The following KIAA0040 variants were observed in gnomAD, a reference collection of about 807,000 sequenced individuals.
KIAA0040 encodes KIAA0040, also known as uncharacterized protein KIAA0040.
In KIAA0040, 10 loss-of-function variants were observed where a neutral mutation model predicts 7.2. The observed-to-expected ratio is 1.38, with a 90% CI of 0.85 to 2.34. The LOEUF (loss-of-function observed/expected upper bound fraction) is 2.34. KIAA0040 is among the 30% of genes most tolerant of loss of function. The pLI is 0.00. For missense variants in KIAA0040, 89 were observed against 108.2 expected (o/e 0.82, Z 0.79); for synonymous variants, 49 against 40.1 (o/e 1.22, Z -0.84).
chr1:175,161,397 G>C (rs74126932), intron 3 of KIAA0040, among the ~76,000 whole-genome samples: 1 of 152,146 alleles, frequency 6.6e-6, no homozygotes, highest in Non-Finnish European at 1.5e-5. Context: ...GGTCTGGCAC[G>C]TAGGAAGTTC....
intron 3 of KIAA0040, among the ~76,000 whole-genome samples, chr1:175,162,287 T>C (rs1676575839): frequency 6.6e-6 from 1 of 152,074 alleles, no homozygotes; most frequent in Non-Finnish European, 1.5e-5. Flanking sequence ...ATTTTCAGGA[T>C]GGACACTCCA....
chr1:175,165,189 T>C (rs1203097688), intron 3 of KIAA0040, among the ~76,000 whole-genome samples: 2 of 152,184 alleles, frequency 1.3e-5, no homozygotes, highest in Admixed American at 1.3e-4. Flanking sequence ...TATCCACCCA[T>C]GTATGAGGTG....
chr1:175,163,116 A>G (rs540400206), intron 3 of KIAA0040, among the ~76,000 whole-genome samples: 54 of 152,280 alleles, frequency 3.5e-4, no homozygotes, highest in African/African-American at 1.3e-3. Flanking sequence ...CCAGATCCGC[A>G]AGGAGTGATC....
intron 1 of KIAA0040, among the ~76,000 whole-genome samples, chr1:175,190,836 G>A (rs1677839471): frequency 6.6e-6 from 1 of 152,138 alleles, no homozygotes; most frequent in Admixed American, 6.5e-5. Context: ...CTTCCTATAG[G>A]AGGGAGTTCA....
intron 2 of KIAA0040, among the ~76,000 whole-genome samples, chr1:175,170,014 A>G (rs1676923545): frequency 6.6e-6 from 1 of 152,182 alleles, no homozygotes; most frequent in Non-Finnish European, 1.5e-5. Flanking sequence ...TCTCTTCTCC[A>G]GGTAGAAAGT....
intron 1 of KIAA0040, among the ~76,000 whole-genome samples, chr1:175,191,004 C>T (rs1677846069): frequency 6.6e-6 from 1 of 152,224 alleles, no homozygotes; most frequent in African/African-American, 2.4e-5. Flanking sequence ...GTGTGGACTT[C>T]ACAGATAATT....
At chr1:175,181,117 G>A (rs1677423239) in intron 1 of KIAA0040, among the ~76,000 whole-genome samples, 1 of 152,158 alleles carries the variant, frequency 6.6e-6, no homozygotes. Context: ...TTCCCAAAGT[G>A]CTGAGAGTAC....
At chr1:175,183,519 T>C (rs1677528578) in intron 1 of KIAA0040, among the ~76,000 whole-genome samples, 1 of 151,812 alleles carries the variant, frequency 6.6e-6, no homozygotes, top group African/African-American at 2.4e-5. Context: ...TCCAGCAGGG[T>C]GAGGGGACCA....
chr1:175,191,637 G>A (rs3766681), intron 1 of KIAA0040, among the ~76,000 whole-genome samples: 74,352 of 152,118 alleles, frequency 0.49, 18,707 homozygotes, highest in Non-Finnish European at 0.56. Flanking sequence ...GGAACAGGTT[G>A]CATCAATGCT....
At chr1:175,183,087 A>C (rs542217795) in intron 1 of KIAA0040, among the ~76,000 whole-genome samples, 3 of 152,228 alleles carry the variant, frequency 2.0e-5, no homozygotes, top group Non-Finnish European at 4.4e-5. Context: ...TTGTTAGCCC[A>C]GGGGCCATTT....
chr1:175,184,290 T>A (rs1310197092), intron 1 of KIAA0040, among the ~76,000 whole-genome samples: 1 of 152,178 alleles, frequency 6.6e-6, no homozygotes, highest in Non-Finnish European at 1.5e-5. Flanking sequence ...GAAAGAGATT[T>A]CCCAGTTCAT....
intron 1 of KIAA0040, among the ~76,000 whole-genome samples, chr1:175,187,148 C>T (rs1397441366): frequency 6.6e-6 from 1 of 152,180 alleles, no homozygotes; most frequent in East Asian, 1.9e-4. Flanking sequence ...ACACATCTCC[C>T]TAACATAATG....
intron 1 of KIAA0040, among the ~76,000 whole-genome samples, chr1:175,185,669 C>T (rs1480622028): frequency 6.6e-6 from 1 of 152,158 alleles, no homozygotes; most frequent in Non-Finnish European, 1.5e-5. Context: ...GGTAGAATTA[C>T]CATATGATCC....
intron 3 of KIAA0040, among the ~76,000 whole-genome samples, chr1:175,161,660 C>A (rs1469555691): frequency 1.3e-5 from 2 of 152,154 alleles, no homozygotes. Context: ...TAGTAGGGAA[C>A]CTGGGTCTCC....
chr1:175,171,613 G>A (rs1201023529), intron 2 of KIAA0040, among the ~76,000 whole-genome samples: 1 of 152,142 alleles, frequency 6.6e-6, no homozygotes, highest in African/African-American at 2.4e-5. Context: ...TTCCAGCCAC[G>A]AAAACTCACT....
Position 175,166,562 on chromosome 1 carries a change from C to T in KIAA0040, c.-134G>A, listed in dbSNP as rs1301190136. 2 of 152,180 alleles carry T rather than the reference C, an allele frequency of 1.3e-5. No homozygotes were observed. Among genetic ancestry groups the T allele is most frequent in the African/African-American group, 4.8e-5 (2 of 41,442 alleles). The allele number at this position is 152,180 out of a possible 1,614,324, so 9.4% of individuals were successfully genotyped here. On this transcript the variant is annotated splice_region_variant and 5_prime_UTR_variant, in exon 3 of 4. Transcript: ENST00000423313. ...TGAGGAGACGGGGGATGAAGTTTACCTCCACACACAGCAGCAAAATGGCCA... is the reference window on the plus strand; with the variant it reads ...TGAGGAGACGGGGGATGAAGTTTACTTCCACACACAGCAGCAAAATGGCCA...
chr1:175,160,465 G>A lies in KIAA0040; in HGVS notation c.*249C>T. ...GGGGTATGCCAGAGACAGGTGGGAG[G>A]CATGCCTGGGTCTGCAGTAAGGAGC... On this transcript the variant is annotated 3_prime_UTR_variant, in exon 4 of 4. Coordinates refer to ENST00000423313, the MANE Select transcript of KIAA0040 (RefSeq NM_014656.3). The A allele has an allele frequency of 2.1e-6, 1 of 477,446 alleles. No homozygotes were observed. The highest frequency in any genetic ancestry group is 3.7e-6 in the Non-Finnish European group (1 of 267,972). The allele number at this position is 477,446 out of a possible 1,614,324, so 29.6% of individuals were successfully genotyped here. A position where few individuals can be genotyped will look rare whatever the true frequency, so the allele number is the denominator to read the frequency against.
chr1:175,177,419 GC>G (rs1158485833), intron 2 of KIAA0040, among the ~76,000 whole-genome samples, 191 bp downstream of exon 2: 1 of 152,240 alleles, frequency 6.6e-6, no homozygotes. Flanking sequence ...TCCTTGAAGT[GC>G]CTAATAGGGG....
chr1:175,178,225 T>C (rs1043885418), intron 1 of KIAA0040, among the ~76,000 whole-genome samples: 2 of 152,204 alleles, frequency 1.3e-5, no homozygotes, highest in African/African-American at 4.8e-5. Flanking sequence ...TAGCGGGCCA[T>C]GTCCACTCTG....
Sources: allele counts gnomAD v4.1 joint callset (sites outside exome capture counted in the v4.1 genomes callset), GRCh38; gene constraint gnomAD v4.1.1; transcripts MANE v1.5; gene names NCBI Gene and HGNC (gene_info 2026-07-23, HGNC 2026-07-21).